CHKA: variants seen among roughly 807,000 people sequenced by gnomAD.
CHKA encodes the protein choline kinase alpha.
A neutral mutation model predicts 60.1 loss-of-function variants in CHKA; 34 were observed. That is an observed-to-expected ratio of 0.57 (90% CI 0.43 to 0.75). The LOEUF (loss-of-function observed/expected upper bound fraction) is 0.75. Among genes scored for constraint, CHKA ranks in the 30% least tolerant of loss-of-function variants. The pLI, the probability that CHKA is intolerant of heterozygous loss-of-function variation, is 0.00. For missense variants in CHKA, 563 were observed against 561.3 expected, an observed-to-expected ratio of 1.00 and a Z score of -0.03; for synonymous variants, 217 against 223.1, an observed-to-expected ratio of 0.97 and a Z score of 0.24.
At chr11:68,078,397 T>A (rs1345614821) in intron 3 of CHKA, among the ~76,000 whole-genome samples, 4 of 152,080 alleles carry the variant, frequency 2.6e-5, no homozygotes, top group African/African-American at 9.7e-5. Context: ...TATTCCCTAA[T>A]GGTGCTGCTA....
intron 3 of CHKA, among the ~76,000 whole-genome samples, chr11:68,080,885 C>T (rs1565181352): frequency 6.6e-6 from 1 of 152,216 alleles, no homozygotes; most frequent in Admixed American, 6.5e-5. Context: ...GCCATCTGCA[C>T]ATGTGTGTTT....
chr11:68,064,763 C>G lies in CHKA; in HGVS notation c.1126-132G>C. 5 of 607,198 alleles carry G rather than the reference C, an allele frequency of 8.2e-6. No individual in the cohort carries two copies. The South Asian group carries it at 1.1e-4, about 13-fold the overall frequency. The allele number at this position is 607,198 out of a possible 1,614,324, so 37.6% of individuals were successfully genotyped here. On this transcript the variant is annotated intron_variant, in intron 9 of 11. Transcript: ENST00000265689. ...TCAACATGATGTTCAGCATCTCCGA[C>G]ATCCTGGGGCTGGCACCAGTGAGCC... is the stretch of plus-strand genomic sequence containing the variant.
chr11:68,071,363 G>A (rs1565176865), intron 4 of CHKA, among the ~76,000 whole-genome samples: 1 of 152,198 alleles, frequency 6.6e-6, no homozygotes, highest in Non-Finnish European at 1.5e-5. Flanking sequence ...TGCTCCCAGT[G>A]GTGGTGTCAG....
intron 7 of CHKA, among the ~76,000 whole-genome samples, chr11:68,067,521 A>G (rs1006323873): frequency 6.6e-6 from 1 of 152,142 alleles, no homozygotes; most frequent in African/African-American, 2.4e-5. Flanking sequence ...CTTAAGCCCA[A>G]CAGGCTAAGG....
At chr11:68,078,045 C>T (rs1459194569) in intron 3 of CHKA, among the ~76,000 whole-genome samples, 1 of 152,104 alleles carries the variant, frequency 6.6e-6, no homozygotes, top group Non-Finnish European at 1.5e-5. Context: ...AAACTGGGTT[C>T]GATCCCCTGG....
rs377018126 is a variant in CHKA, at chr11:68,119,573, G to A, written c.350+1255C>T. Among the ~76,000 whole-genome samples, 105 of 152,240 alleles carry A rather than the reference G, an allele frequency of 6.9e-4. 1 individual carries two copies. Among genetic ancestry groups the A allele is most frequent in the African/African-American group, 2.5e-3 (103 of 41,540 alleles). ...CAACCGCCGCCTCCCAGGTTCAAGC[G>A]ATTCTCCTGCCTCAGCCTCCCAAGT... On this transcript the variant is annotated intron_variant, in intron 1 of 11. Transcript: ENST00000265689.
At chr11:68,073,436 C>G (rs1414226350) in intron 4 of CHKA, among the ~76,000 whole-genome samples, 2 of 152,068 alleles carry the variant, frequency 1.3e-5, no homozygotes, top group Non-Finnish European at 2.9e-5. Context: ...GGTGGATCAC[C>G]TGAGGTCGGG....
chr11:68,118,055 G>A (rs1045489049), intron 1 of CHKA, among the ~76,000 whole-genome samples: 1 of 152,178 alleles, frequency 6.6e-6, no homozygotes, highest in Non-Finnish European at 1.5e-5. Context: ...GAGCCAAAGG[G>A]TTAAATTTGG....
At chr11:68,099,748 T>C (rs1050514489) in intron 1 of CHKA, among the ~76,000 whole-genome samples, 3 of 152,114 alleles carry the variant, frequency 2.0e-5, no homozygotes, top group Non-Finnish European at 2.9e-5. Context: ...TAAAACAGAG[T>C]TAAAAGCCCT....
Position 68,105,615 on chromosome 11 carries a change from CCT to C in CHKA, c.351-8487_351-8486del, listed in dbSNP as rs532016994. 3.6e-4 allele frequency among the ~76,000 whole-genome samples: 55 copies of C among 151,726 alleles called. No individual in the cohort carries two copies. The East Asian group carries it at 6.4e-3, about 18-fold the overall frequency. On this transcript the variant is annotated intron_variant, in intron 1 of 11. Coordinates refer to ENST00000265689, the MANE Select transcript of CHKA (RefSeq NM_001277.3). ...ATTTTTAATTATTTGGGTTTTTTCC[CCT>C]GTCATTTTTAGCAACGGGGATATTT...
chr11:68,067,064 A>C (rs1292043314), intron 7 of CHKA, among the ~76,000 whole-genome samples: 1 of 151,904 alleles, frequency 6.6e-6, no homozygotes, highest in Non-Finnish European at 1.5e-5. Context: ...CTACAAGACT[A>C]TTTGCTTTAG....
chr11:68,100,937 C>CTTT lies in CHKA; in HGVS notation c.351-3810_351-3808dup, dbSNP rs758101816. Among the ~76,000 whole-genome samples the CTTT allele has an allele frequency of 3.1e-3, 240 of 78,198 alleles. 30 individuals are homozygous for CTTT. The highest frequency in any genetic ancestry group is 9.3e-3 in the African/African-American group (157 of 16,862). 51.3% of individuals were successfully genotyped at this position (78,198 alleles called of 152,430 possible). On this transcript the variant is annotated intron_variant, in intron 1 of 11. Coordinates refer to ENST00000265689, the MANE Select transcript of CHKA (RefSeq NM_001277.3). ...GAATAACAAGCAGTATAAAGAGGTT[C>CTTT]TTTTTTTTTTTTTTTTTTTTTTTTT... is the stretch of plus-strand genomic sequence containing the variant.
chr11:68,080,387 G>A (rs774891056), intron 3 of CHKA, among the ~76,000 whole-genome samples: 2 of 150,844 alleles, frequency 1.3e-5, no homozygotes, highest in Non-Finnish European at 2.9e-5. Context: ...GACTCCTGTC[G>A]CCCAGGCTGG....
rs1858642603 is a variant in CHKA at position 68,121,302 on chromosome 11, TG to T, written c.-126del. ...CGGCGGGGCAGGGGGCCGCGGCGGT[TG>T]GGCGCGCGGGGCGGCGGCGGCGGCT... On this transcript the variant is annotated 5_prime_UTR_variant, in exon 1 of 12. Transcript: ENST00000265689. 1 of 739,544 alleles carries T rather than the reference TG, an allele frequency of 1.4e-6. No homozygotes were observed. Among genetic ancestry groups the T allele is most frequent in the Non-Finnish European group, 1.7e-6 (1 of 599,828 alleles). The allele number at this position is 739,544 out of a possible 1,614,324, so 45.8% of individuals were successfully genotyped here. A position where few individuals can be genotyped will look rare whatever the true frequency, so the allele number is the denominator to read the frequency against.
intron 1 of CHKA, among the ~76,000 whole-genome samples, chr11:68,100,498 G>A (rs1332804364): frequency 1.3e-5 from 2 of 151,984 alleles, no homozygotes; most frequent in African/African-American, 4.8e-5. Context: ...GCTGAGGCAG[G>A]AGAACTACTT....
rs776541510 is a variant in CHKA at position 68,065,735 on chromosome 11, T to C, written c.1125+51A>G. The C allele has an allele frequency of 9.3e-5, 115 of 1,235,244 alleles. 1 individual carries two copies. Among genetic ancestry groups the C allele is most frequent in the Non-Finnish European group, 8.3e-6 (7 of 843,668 alleles). 76.5% of individuals were successfully genotyped at this position (1,235,244 alleles called of 1,614,324 possible). A position where few individuals can be genotyped will look rare whatever the true frequency, so the allele number is the denominator to read the frequency against. Reference sequence around the variant, plus strand: ...AAAAGAAGATGTAATTCTAACTGCATGAAATTGACATGTAATTTTCCTATC... The same window carrying C: ...AAAAGAAGATGTAATTCTAACTGCACGAAATTGACATGTAATTTTCCTATC... On this transcript the variant is annotated intron_variant, in intron 9 of 11. Coordinates refer to ENST00000265689, the MANE Select transcript of CHKA (RefSeq NM_001277.3).
intron 3 of CHKA, among the ~76,000 whole-genome samples, chr11:68,075,920 G>A (rs1054316057): frequency 6.6e-6 from 1 of 152,162 alleles, no homozygotes; most frequent in African/African-American, 2.4e-5. Flanking sequence ...GTGCTGTGGA[G>A]GAACATGATC....
intron 2 of CHKA, among the ~76,000 whole-genome samples, chr11:68,090,461 G>C (rs1002625624): frequency 6.6e-6 from 1 of 152,162 alleles, no homozygotes; most frequent in Non-Finnish European, 1.5e-5. Context: ...TCTTTGCATG[G>C]TGTGACCTTA....
chr11:68,108,476 G>A (rs1272777840), intron 1 of CHKA, among the ~76,000 whole-genome samples: 1 of 152,260 alleles, frequency 6.6e-6, no homozygotes, highest in Non-Finnish European at 1.5e-5. Flanking sequence ...TGGGCGCAGA[G>A]GCTCACGCCT....
Sources: allele counts gnomAD v4.1 joint callset (sites outside exome capture counted in the v4.1 genomes callset), GRCh38; gene constraint gnomAD v4.1.1; transcripts MANE v1.5; gene names NCBI Gene and HGNC (gene_info 2026-07-23, HGNC 2026-07-21).